Variants in CAMKMT observed in about 807,000 individuals in gnomAD.
The protein encoded by CAMKMT is CaM KMT.
A neutral mutation model predicts 48.0 loss-of-function variants in CAMKMT; 53 were observed. That is an observed-to-expected ratio of 1.10 (90% CI 0.89 to 1.39). The LOEUF (loss-of-function observed/expected upper bound fraction) is 1.39. Among genes scored for constraint, CAMKMT ranks in the 40% most tolerant of loss-of-function variants. CAMKMT has a pLI of 0.00. For missense variants in CAMKMT, 428 were observed against 402.7 expected, an observed-to-expected ratio of 1.06 and a Z score of -0.54; for synonymous variants, 165 against 152.3, an observed-to-expected ratio of 1.08 and a Z score of -0.61.
intron 3 of CAMKMT, among the ~76,000 whole-genome samples, chr2:44,651,931 T>C (rs184830608): frequency 3.3e-4 from 50 of 152,352 alleles, no homozygotes; most frequent in Admixed American, 7.8e-4. Flanking sequence ...TTTTCTGTCA[T>C]AGAAAAGTCT....
chr2:44,496,278 C>G (rs972264990), intron 3 of CAMKMT, among the ~76,000 whole-genome samples: 3 of 152,130 alleles, frequency 2.0e-5, no homozygotes, highest in Admixed American at 6.6e-5. Context: ...AAAGCATATT[C>G]AGCGTCATAT....
intron 7 of CAMKMT, among the ~76,000 whole-genome samples, chr2:44,735,707 G>A (rs1679317397): frequency 6.6e-6 from 1 of 151,242 alleles, no homozygotes; most frequent in South Asian, 2.1e-4. Context: ...TTTGAAACCA[G>A]CCTGGCCATC....
intron 1 of CAMKMT, among the ~76,000 whole-genome samples, chr2:44,363,234 G>A (rs544908538): frequency 1.3e-5 from 2 of 152,208 alleles, no homozygotes; most frequent in South Asian, 2.1e-4. Flanking sequence ...TGTTACAAAT[G>A]GTATTACAGG....
At chr2:44,402,743 T>TTA (rs1330962606) in intron 3 of CAMKMT, among the ~76,000 whole-genome samples, 1 of 148,124 alleles carries the variant, frequency 6.8e-6, no homozygotes, top group African/African-American at 2.5e-5. Context: ...TTTTGCTGTT[T>TTA]TTTTTTTTTT....
At chr2:44,708,378 A>AT (rs1001067993) in intron 6 of CAMKMT, among the ~76,000 whole-genome samples, 2 of 151,576 alleles carry the variant, frequency 1.3e-5, no homozygotes, top group African/African-American at 2.4e-5. Context: ...CTGCCATATG[A>AT]TTTTTTCAAA....
At chr2:44,543,643 A>G (rs891471222) in intron 3 of CAMKMT, among the ~76,000 whole-genome samples, 13 of 152,084 alleles carry the variant, frequency 8.5e-5, no homozygotes, top group South Asian at 2.1e-4. Flanking sequence ...CTTATAAGCC[A>G]TATTATTATT....
intron 1 of CAMKMT, among the ~76,000 whole-genome samples, chr2:44,367,433 A>G: frequency 6.6e-6 from 1 of 152,350 alleles, no homozygotes; most frequent in Admixed American, 6.5e-5. Context: ...TATTTTAAAA[A>G]TTATATAAAT....
At position 44,618,954 on chromosome 2, in the gene CAMKMT, A is replaced by G. The variant is rs1020940321; in HGVS notation, c.377-85329A>G. On this transcript the variant is annotated intron_variant, in intron 3 of 10. Coordinates refer to ENST00000378494, the MANE Select transcript of CAMKMT (RefSeq NM_024766.5). The surrounding 1 kb of genome is among the most constrained non-coding windows in gnomAD (Gnocchi z 4.0). ...TGACATCATGCATTTCTCCCAGACT[A>G]CTGTAAATTCAGATCTACTCATAAA... 1.3e-5 allele frequency among the ~76,000 whole-genome samples: 2 copies of G among 152,146 alleles called. No individual in the cohort carries two copies. The highest frequency in any genetic ancestry group is 2.9e-5 in the Non-Finnish European group (2 of 68,016).
Position 44,668,053 on chromosome 2 carries a change from T to A in CAMKMT, c.377-36230T>A, listed in dbSNP as rs566111168. ...AATCAACCATGCTGAGTGGCTTTGG[T>A]TTGAATAATGACCACAGATCTCAAA... On this transcript the variant is annotated intron_variant, in intron 3 of 10. Coordinates refer to ENST00000378494, the MANE Select transcript of CAMKMT (RefSeq NM_024766.5). Among the ~76,000 whole-genome samples, 5 of 152,170 alleles carry A rather than the reference T, an allele frequency of 3.3e-5. No individual in the cohort carries two copies. The East Asian group carries it at 9.7e-4, about 29-fold the overall frequency.
chr2:44,467,535 G>A (rs1668184273), intron 3 of CAMKMT, among the ~76,000 whole-genome samples: 2 of 124,282 alleles, frequency 1.6e-5, no homozygotes, highest in Non-Finnish European at 3.7e-5. Context: ...GCGAAACTCT[G>A]TCTCAGAAAA....
At chr2:44,712,139 A>G (rs575819497) in intron 6 of CAMKMT, among the ~76,000 whole-genome samples, 1 of 152,224 alleles carries the variant, frequency 6.6e-6, no homozygotes, top group Non-Finnish European at 1.5e-5. Flanking sequence ...GCAGCCTTAA[A>G]TTAGCAAATA....
chr2:44,380,655 A>T (rs907220492), intron 2 of CAMKMT, among the ~76,000 whole-genome samples: 1 of 152,336 alleles, frequency 6.6e-6, no homozygotes, highest in East Asian at 1.9e-4. Flanking sequence ...TTTTCCTATA[A>T]TTAGAACTAA....
intron 6 of CAMKMT, among the ~76,000 whole-genome samples, chr2:44,708,832 A>G (rs1031487499): frequency 6.6e-6 from 1 of 152,020 alleles, no homozygotes; most frequent in Non-Finnish European, 1.5e-5. Flanking sequence ...TGGGGGGAGC[A>G]GGATTATTGG....
chr2:44,713,968 T>C (rs1678026719), intron 6 of CAMKMT, among the ~76,000 whole-genome samples: 1 of 152,186 alleles, frequency 6.6e-6, no homozygotes, highest in South Asian at 2.1e-4. Context: ...CTTGCAGCCT[T>C]CACTGGAATT....
At chr2:44,570,949 A>G (rs1171848946) in intron 3 of CAMKMT, among the ~76,000 whole-genome samples, 2 of 152,176 alleles carry the variant, frequency 1.3e-5, no homozygotes, top group African/African-American at 4.8e-5. Flanking sequence ...ACAGGCACTT[A>G]TTGATACCAA....
At chr2:44,447,114 G>A (rs1393393940) in intron 3 of CAMKMT, among the ~76,000 whole-genome samples, 2 of 152,164 alleles carry the variant, frequency 1.3e-5, no homozygotes, top group African/African-American at 2.4e-5. Context: ...GTTTTATTTA[G>A]TGGAGATATG....
intron 3 of CAMKMT, among the ~76,000 whole-genome samples, chr2:44,698,968 C>T (rs1677115187): frequency 1.3e-5 from 2 of 152,200 alleles, no homozygotes; most frequent in Non-Finnish European, 2.9e-5. Context: ...AAACTACCTT[C>T]TTTACCCGTG....
At chr2:44,671,718 T>G (rs1355577148) in intron 3 of CAMKMT, among the ~76,000 whole-genome samples, 1 of 152,236 alleles carries the variant, frequency 6.6e-6, no homozygotes, top group Non-Finnish European at 1.5e-5. Context: ...TTTGGGCCTT[T>G]TAAAATTTCA....
intron 10 of CAMKMT, among the ~76,000 whole-genome samples, chr2:44,770,446 C>A (rs887782783): frequency 6.6e-6 from 1 of 152,264 alleles, no homozygotes; most frequent in Non-Finnish European, 1.5e-5. Context: ...ATTTATCCCA[C>A]ATATTACCTC....
Sources: allele counts gnomAD v4.1 joint callset (sites outside exome capture counted in the v4.1 genomes callset), GRCh38; gene constraint gnomAD v4.1.1; non-coding constraint Gnocchi (gnomAD v3.1); transcripts MANE v1.5; gene names NCBI Gene and HGNC (gene_info 2026-07-23, HGNC 2026-07-21).